Variants in ITGBL1 observed in about 807,000 individuals in gnomAD.
ITGBL1 encodes the protein integrin subunit beta like 1, also known as integrin beta-like protein 1.
A neutral mutation model predicts 68.5 loss-of-function variants in ITGBL1; 51 were observed. The ratio of observed to expected loss-of-function variants is 0.74; its 90% CI spans 0.59 to 0.94. ITGBL1 has a LOEUF of 0.94. ITGBL1 is among the 40% of genes least tolerant of loss of function. The probability of loss-of-function intolerance (pLI) is 0.00; values close to 1 mark genes in which losing one functional copy is unlikely to be tolerated. For synonymous variants in ITGBL1, 209 were observed against 227.3 expected (o/e 0.92, Z 0.72); for missense variants, 649 against 647.4 (o/e 1.00, Z -0.03).
chr13:101,489,969 C>T, intron 2 of ITGBL1: 1 of 1,509,200 alleles, frequency 6.6e-7, no homozygotes, highest in Non-Finnish European at 8.9e-7. Flanking sequence ...GTCTCATGAA[C>T]TTAGTTGCAG....
chr13:101,578,256 A>G (rs1317529937), intron 4 of ITGBL1, among the ~76,000 whole-genome samples: 1 of 152,210 alleles, frequency 6.6e-6, no homozygotes, highest in African/African-American at 2.4e-5. Context: ...TTATAAGACA[A>G]TGAAAAGTAG....
intron 2 of ITGBL1, among the ~76,000 whole-genome samples, chr13:101,466,921 A>G (rs921851176): frequency 1.3e-5 from 2 of 152,176 alleles, no homozygotes; most frequent in Non-Finnish European, 2.9e-5. Context: ...TAGACTGAGT[A>G]ATTTAGAAAC....
chr13:101,577,191 G>A (rs905191107), intron 4 of ITGBL1, among the ~76,000 whole-genome samples: 6 of 152,278 alleles, frequency 3.9e-5, no homozygotes, highest in Middle Eastern at 6.8e-3. Flanking sequence ...ACACCCTCTG[G>A]GGGTGACATT....
At chr13:101,527,217 A>G (rs2049395992) in intron 2 of ITGBL1, among the ~76,000 whole-genome samples, 1 of 152,124 alleles carries the variant, frequency 6.6e-6, no homozygotes, top group African/African-American at 2.4e-5. Flanking sequence ...CAATATCATC[A>G]TCTCCAAAAT....
At chr13:101,606,122 A>G (rs1481038943) in intron 7 of ITGBL1, among the ~76,000 whole-genome samples, 30 of 146,184 alleles carry the variant, frequency 2.1e-4, no homozygotes, top group African/African-American at 7.0e-4. Flanking sequence ...CTATATATAT[A>G]TATAGCCTTC....
chr13:101,622,886 T>C (rs1428993096), intron 7 of ITGBL1, among the ~76,000 whole-genome samples: 1 of 149,938 alleles, frequency 6.7e-6, no homozygotes, highest in African/African-American at 2.5e-5. Flanking sequence ...GAATCTGAAA[T>C]GAGGCTGGGA....
chr13:101,692,716 C>G lies in ITGBL1; in HGVS notation c.1132+15C>G, dbSNP rs2033907768. ...GGTCTGTGGAGGTAGTAACCTTTCT[C>G]ATAGCTGTATGCTACCTGCATGCAA... On this transcript the variant is annotated intron_variant, in intron 8 of 10. Transcript: ENST00000376180. 5 of 1,532,600 alleles carry G rather than the reference C, an allele frequency of 3.3e-6. No individual in the cohort carries two copies. The highest frequency in any genetic ancestry group is 1.4e-5 in the African/African-American group (1 of 73,274). 94.9% of individuals were successfully genotyped at this position (1,532,600 alleles called of 1,614,324 possible).
intron 7 of ITGBL1, among the ~76,000 whole-genome samples, chr13:101,612,217 T>A: frequency 6.6e-6 from 1 of 152,210 alleles, no homozygotes; most frequent in Non-Finnish European, 1.5e-5. Flanking sequence ...TGGTAAATAA[T>A]ACCAAATGGC....
chr13:101,553,210 C>T (rs901201177), intron 2 of ITGBL1, among the ~76,000 whole-genome samples: 2 of 152,110 alleles, frequency 1.3e-5, no homozygotes, highest in Non-Finnish European at 2.9e-5. Context: ...TTTCCTACTG[C>T]CTTTAGACAC....
intron 7 of ITGBL1, among the ~76,000 whole-genome samples, chr13:101,676,873 T>C (rs1423562543): frequency 5.3e-5 from 8 of 152,146 alleles, no homozygotes; most frequent in African/African-American, 1.9e-4. Flanking sequence ...GGGCACACTG[T>C]CTCACACCTG....
At chr13:101,691,242 C>T (rs1237207107) in intron 7 of ITGBL1, among the ~76,000 whole-genome samples, 2 of 152,286 alleles carry the variant, frequency 1.3e-5, no homozygotes, top group East Asian at 3.9e-4. Context: ...CCTGGGACTA[C>T]CTCCAAGTAG....
At chr13:101,539,104 A>C (rs1464854149) in intron 2 of ITGBL1, among the ~76,000 whole-genome samples, 2 of 133,340 alleles carry the variant, frequency 1.5e-5, no homozygotes, top group Admixed American at 8.7e-5. Context: ...CACAACGTGC[A>C]AGTTAGTTAC....
chr13:101,550,373 C>T (rs2049901276), intron 2 of ITGBL1, among the ~76,000 whole-genome samples: 1 of 152,144 alleles, frequency 6.6e-6, no homozygotes, highest in African/African-American at 2.4e-5. Context: ...GAGCAGGGAC[C>T]CCGTATCCTG....
chr13:101,503,521 G>C (rs1003163460), intron 2 of ITGBL1, among the ~76,000 whole-genome samples: 14 of 152,266 alleles, frequency 9.2e-5, no homozygotes, highest in Admixed American at 2.6e-4. Flanking sequence ...AACTCACCTG[G>C]GCTGGATCCA....
chr13:101,597,736 A>G (rs1199319513), intron 6 of ITGBL1, among the ~76,000 whole-genome samples: 1 of 151,908 alleles, frequency 6.6e-6, no homozygotes, highest in Non-Finnish European at 1.5e-5. Context: ...TATTTTTAGT[A>G]GAGACCGGGG....
intron 2 of ITGBL1, among the ~76,000 whole-genome samples, chr13:101,517,846 G>T (rs9300673): frequency 1.3e-5 from 2 of 152,072 alleles, no homozygotes; most frequent in Middle Eastern, 3.2e-3. Flanking sequence ...ACTCTGTCCT[G>T]GGTGGCTACT....
At chr13:101,469,202 A>G (rs1356490269) in intron 2 of ITGBL1, among the ~76,000 whole-genome samples, 1 of 152,244 alleles carries the variant, frequency 6.6e-6, no homozygotes, top group Non-Finnish European at 1.5e-5. Context: ...CAATACTGCA[A>G]AGAGAGAGAA....
intron 8 of ITGBL1, among the ~76,000 whole-genome samples, chr13:101,701,493 T>C (rs2139575428): frequency 6.6e-6 from 1 of 152,120 alleles, no homozygotes; most frequent in East Asian, 1.9e-4. Flanking sequence ...AAATTGCCAC[T>C]GCGCTCCAGC....
At chr13:101,573,505 A>G (rs2050305969) in intron 3 of ITGBL1, among the ~76,000 whole-genome samples, 1 of 152,120 alleles carries the variant, frequency 6.6e-6, no homozygotes, top group African/African-American at 2.4e-5. Flanking sequence ...ATGTTTGTAA[A>G]TATGATGAAT....
Sources: allele counts gnomAD v4.1 joint callset (sites outside exome capture counted in the v4.1 genomes callset), GRCh38; gene constraint gnomAD v4.1.1; transcripts MANE v1.5; gene names NCBI Gene and HGNC (gene_info 2026-07-23, HGNC 2026-07-21).